Variants in SRSF4 observed in about 807,000 individuals in gnomAD.
The protein encoded by SRSF4 is serine/arginine-rich splicing factor 4.
Under a neutral mutation model 48.8 loss-of-function variants are expected in SRSF4, and 12 were observed. The ratio of observed to expected loss-of-function variants is 0.25; its 90% CI spans 0.16 to 0.40. The LOEUF (loss-of-function observed/expected upper bound fraction) is 0.40, where lower values mean the gene tolerates loss of function less well. Among genes scored for constraint, SRSF4 ranks in the 10% least tolerant of loss-of-function variants. SRSF4 has a pLI of 1.00. For synonymous variants in SRSF4, 248 were observed against 232.5 expected (o/e 1.07, Z -0.61); for missense variants, 466 against 667.1 (o/e 0.70, Z 3.32).
chr1:29,171,829 T>C (rs1207396164), intron 1 of SRSF4: 1 of 152,144 alleles, frequency 6.6e-6, no homozygotes, highest in Non-Finnish European at 1.5e-5. Flanking sequence ...GGCCCTTAAA[T>C]TCATACAGTA....
chr1:29,150,232 G>A (rs759791757), intron 4 of SRSF4, 40 bp from the exon 5 acceptor site: 3 of 1,429,656 alleles, frequency 2.1e-6, no homozygotes, highest in Admixed American at 3.4e-5. Context: ...GCTGACAAGA[G>A]GCTGCTGATG....
At position 29,154,890 on chromosome 1, in the gene SRSF4, T is replaced by C; in HGVS notation, c.384A>G (p.Gly128=). The change falls in exon 4 of 6, where the codon GGA becomes GGG. Residue 128 remains glycine, a synonymous_variant. Coordinates refer to ENST00000373795, the MANE Select transcript of SRSF4 (RefSeq NM_005626.5). ...QDLKDYMRQA[G]EVTYADAHKG... is the part of the protein sequence containing the mutation. ...TGTGAGCATCTGCATAAGTCACTTC[T>C]CCTGCCTGACGCATATAATCCTGAA... 1 of 1,614,082 alleles carries C rather than the reference T, an allele frequency of 6.2e-7. No homozygotes were observed. The highest frequency in any genetic ancestry group is 1.1e-5 in the South Asian group (1 of 91,062).
chr1:29,150,092 G>A lies in SRSF4; in HGVS notation c.668+11C>T, dbSNP rs1672383277. On this transcript the variant is annotated intron_variant, in intron 5 of 5. Coordinates refer to ENST00000373795, the MANE Select transcript of SRSF4 (RefSeq NM_005626.5). Reference sequence around the variant, plus strand: ...TGCTGACCACCTCTACTTATAACATGGAAGACATACCTGGACCGAGATCTA... The same window carrying A: ...TGCTGACCACCTCTACTTATAACATAGAAGACATACCTGGACCGAGATCTA... 8 of 1,568,752 alleles carry A rather than the reference G, an allele frequency of 5.1e-6. No individual in the cohort carries two copies. The highest frequency in any genetic ancestry group is 1.5e-5 in the African/African-American group (1 of 64,618).
chr1:29,168,191 ATTTT>A (rs57242686), intron 1 of SRSF4, among the ~76,000 whole-genome samples: 7 of 134,950 alleles, frequency 5.2e-5, no homozygotes, highest in African/African-American at 8.3e-5. Flanking sequence ...ATTTTTTGTA[ATTTT>A]TTTTTTTTTT....
chr1:29,175,082 G>A (rs888020091), intron 1 of SRSF4, among the ~76,000 whole-genome samples: 4 of 151,216 alleles, frequency 2.6e-5, no homozygotes, highest in African/African-American at 9.7e-5. Flanking sequence ...AACCCAAAAT[G>A]CAAAGAGTTA....
Position 29,159,499 on chromosome 1 carries a change from C to T in SRSF4, c.251-13G>A, listed in dbSNP as rs72649257. 0.011 allele frequency: 18,021 copies of T among 1,588,146 alleles called. 166 individuals carry two copies. Among genetic ancestry groups the T allele is most frequent in the Non-Finnish European group, 0.014 (15,933 of 1,158,892 alleles). On this transcript the variant is annotated splice_polypyrimidine_tract_variant and intron_variant, in intron 2 of 5. Coordinates refer to ENST00000373795, the MANE Select transcript of SRSF4 (RefSeq NM_005626.5). ...TAACCATATCCACCTTTGGAAGGTT[C>T]AAATAAATAAGATTATTTCAGTGGA...
intron 1 of SRSF4, among the ~76,000 whole-genome samples, chr1:29,179,274 G>T (rs1021946423): frequency 6.6e-6 from 1 of 152,014 alleles, no homozygotes; most frequent in Admixed American, 6.6e-5. Flanking sequence ...TTTCATAATT[G>T]CTTCTTACTG....
intron 1 of SRSF4, among the ~76,000 whole-genome samples, chr1:29,175,611 C>A (rs983996930): frequency 2.3e-5 from 3 of 130,408 alleles, no homozygotes; most frequent in Non-Finnish European, 4.7e-5. Flanking sequence ...AGGAGAATGG[C>A]GTGAACCCAG....
rs575133700 is a variant in SRSF4 at position 29,147,997 on chromosome 1, T to G, written c.*413A>C. ...ATATGAAACCAAAGTGGTAGGAAAC[T>G]TAAGACTTAGCACTTTCACTAAATG... is the stretch of plus-strand genomic sequence containing the variant. On this transcript the variant is annotated 3_prime_UTR_variant, in exon 6 of 6. Transcript: ENST00000373795. 14 of 444,992 alleles carry G rather than the reference T, an allele frequency of 3.1e-5. No homozygotes were observed. Among genetic ancestry groups the G allele is most frequent in the Non-Finnish European group, 6.4e-5 (14 of 219,482 alleles). 27.6% of individuals were successfully genotyped at this position (444,992 alleles called of 1,614,324 possible).
intron 1 of SRSF4, among the ~76,000 whole-genome samples, chr1:29,163,918 G>T: frequency 6.6e-6 from 1 of 152,150 alleles, no homozygotes; most frequent in African/African-American, 2.4e-5. Context: ...TTATTTCTCT[G>T]GGTCTTAGTT....
intron 1 of SRSF4, among the ~76,000 whole-genome samples, chr1:29,180,846 G>C (rs1672944244): frequency 6.6e-6 from 1 of 152,150 alleles, no homozygotes; most frequent in African/African-American, 2.4e-5. Context: ...TCATACTCTG[G>C]GGGAGGCAGT....
rs1672327295 is a variant in SRSF4 at position 29,147,770 on chromosome 1, C to T, written c.*640G>A. The T allele has an allele frequency of 6.1e-6, 1 of 164,712 alleles. No homozygotes were observed. Among genetic ancestry groups the T allele is most frequent in the Non-Finnish European group, 1.3e-5 (1 of 75,092 alleles). 10.2% of individuals were successfully genotyped at this position (164,712 alleles called of 1,614,324 possible). Reference sequence around the variant, plus strand: ...TTGTCAAGCAAAAATAGTCTTTATTCAAATTTAATGGAAACAGGGGTCACT... The same window carrying T: ...TTGTCAAGCAAAAATAGTCTTTATTTAAATTTAATGGAAACAGGGGTCACT... On this transcript the variant is annotated 3_prime_UTR_variant, in exon 6 of 6. Transcript: ENST00000373795.
chr1:29,148,592 C>G lies in SRSF4; in HGVS notation c.1303G>C (p.Gly435Arg), dbSNP rs771344667. Residue 435 changes from glycine to arginine, a missense_variant, in exon 6 of 6, where the codon GGC (glycine) becomes CGC (arginine). Around this residue, in one of 2 missense-constraint regions of SRSF4, gnomAD observed 402 missense variants for 437.0 expected, o/e 0.92. Transcript: ENST00000373795. ...REGRGESENA[G>R]TNQETRSRSR... ...CTGGACCGGGTCTCCTGATTGGTGCCAGCATTCTCACTCTCTCCTCGACCT... is the reference window on the plus strand; with the variant it reads ...CTGGACCGGGTCTCCTGATTGGTGCGAGCATTCTCACTCTCTCCTCGACCT... 67 of 1,613,936 alleles carry G rather than the reference C, an allele frequency of 4.2e-5. 1 individual carries two copies. The South Asian group carries it at 6.7e-4, about 16-fold the overall frequency.
chr1:29,149,243 T>C lies in SRSF4; in HGVS notation c.669-17A>G, dbSNP rs1293681774. ...GAGCCCGACCTGAGGAGACATGGGA[T>C]ACTGTTTGTGTCACATGTGACTTCA... On this transcript the variant is annotated splice_polypyrimidine_tract_variant and intron_variant, in intron 5 of 5. Coordinates refer to ENST00000373795, the MANE Select transcript of SRSF4 (RefSeq NM_005626.5). 1 of 1,602,012 alleles carries C rather than the reference T, an allele frequency of 6.2e-7. No homozygotes were observed. Among genetic ancestry groups the C allele is most frequent in the Admixed American group, 1.7e-5 (1 of 59,472 alleles).
chr1:29,178,189 C>T (rs928826086), intron 1 of SRSF4, among the ~76,000 whole-genome samples: 2 of 151,978 alleles, frequency 1.3e-5, no homozygotes, highest in Non-Finnish European at 2.9e-5. Flanking sequence ...TGTGAGCCAC[C>T]GTGACCGGTC....
intron 1 of SRSF4, among the ~76,000 whole-genome samples, chr1:29,178,242 C>T (rs1231912004): frequency 6.6e-6 from 1 of 152,028 alleles, no homozygotes; most frequent in African/African-American, 2.4e-5. Flanking sequence ...TAACTTACAA[C>T]CCTTCAGCCT....
At chr1:29,172,923 T>C (rs1474913845) in intron 1 of SRSF4, 3 of 152,074 alleles carry the variant, frequency 2.0e-5, no homozygotes, top group South Asian at 2.1e-4. Flanking sequence ...TGCCATACAA[T>C]GGATTTTATG....
Position 29,148,665 on chromosome 1 carries a change from G to A in SRSF4, c.1230C>T (p.Ser410=), listed in dbSNP as rs146685214. ...DRSQSRSPSR[S]VSKEREHAKS... is the part of the protein sequence containing the mutation. The stretch of plus-strand genomic sequence containing the variant: ...TGGCATGTTCCCGCTCCTTTGACAC[G>A]GAGCGGGATGGAGATCTGGACTGGG... The change falls in exon 6 of 6, where the codon TCC becomes TCT. Residue 410 remains serine, a synonymous_variant. Coordinates refer to ENST00000373795, the MANE Select transcript of SRSF4 (RefSeq NM_005626.5). The A allele has an allele frequency of 8.5e-5, 137 of 1,613,918 alleles. No individual in the cohort carries two copies. The African/African-American group carries it at 1.3e-3, about 16-fold the overall frequency.
At position 29,157,891 on chromosome 1, in the gene SRSF4, C is replaced by T. The variant is rs74393497; in HGVS notation, c.363+1483G>A. On this transcript the variant is annotated intron_variant, in intron 3 of 5. Transcript: ENST00000373795. ...AAACACTGTTGTCAATAAGTGGGGC[C>T]GGGTGCAGTGGCTCACGCCTGTAAT... is the stretch of plus-strand genomic sequence containing the variant. Among the ~76,000 whole-genome samples the T allele has an allele frequency of 6.9e-4, 105 of 152,264 alleles. 2 individuals are homozygous for T. The East Asian group carries it at 0.019, about 28-fold the overall frequency.
Sources: allele counts gnomAD v4.1 joint callset (sites outside exome capture counted in the v4.1 genomes callset), GRCh38; gene constraint gnomAD v4.1.1; regional missense constraint gnomAD v4.1.1; transcripts MANE v1.5; gene names NCBI Gene and HGNC (gene_info 2026-07-23, HGNC 2026-07-21).